The following CMTM7 variants were observed in gnomAD, a reference collection of about 807,000 sequenced individuals.
CMTM7 encodes CKLF like MARVEL transmembrane domain containing 7, also known as CKLF-like MARVEL transmembrane domain-containing protein 7.
Under a neutral mutation model 19.3 loss-of-function variants are expected in CMTM7, and 7 were observed. The observed-to-expected ratio is 0.36, with a 90% CI of 0.21 to 0.68. CMTM7 has a LOEUF of 0.68. CMTM7 is among the 30% of genes least tolerant of loss of function. CMTM7 has a pLI of 0.60. For missense variants in CMTM7, 193 were observed against 232.6 expected (o/e 0.83, Z 1.11); for synonymous variants, 87 against 99.3 (o/e 0.88, Z 0.74).
intron 1 of CMTM7, among the ~76,000 whole-genome samples, chr3:32,402,253 AGG>A (rs546213474): frequency 7.4e-4 from 112 of 152,090 alleles, no homozygotes; most frequent in South Asian, 2.7e-3. Context: ...CTGGGGCTAC[AGG>A]CGCGCGCCAC....
At chr3:32,436,374 G>A (rs944480922) in intron 1 of CMTM7, among the ~76,000 whole-genome samples, 2 of 152,276 alleles carry the variant, frequency 1.3e-5, no homozygotes, top group Non-Finnish European at 2.9e-5. Context: ...CTTACACTCA[G>A]TGCAAAATTC....
intron 2 of CMTM7, among the ~76,000 whole-genome samples, chr3:32,447,717 T>G (rs1696772601): frequency 6.6e-6 from 1 of 152,174 alleles, no homozygotes; most frequent in Non-Finnish European, 1.5e-5. Flanking sequence ...TTGTGTTCGA[T>G]TCTATTTTGT....
intron 1 of CMTM7, among the ~76,000 whole-genome samples, chr3:32,429,674 C>G (rs930917216): frequency 6.7e-6 from 1 of 150,154 alleles, no homozygotes; most frequent in African/African-American, 2.5e-5. Flanking sequence ...GATCTTGGCT[C>G]ACTGCAAGCT....
At chr3:32,415,957 G>A (rs1326793585) in intron 1 of CMTM7, among the ~76,000 whole-genome samples, 1 of 152,190 alleles carries the variant, frequency 6.6e-6, no homozygotes, top group Non-Finnish European at 1.5e-5. Flanking sequence ...GTATTTAGCT[G>A]TCATCTGTAG....
intron 1 of CMTM7, among the ~76,000 whole-genome samples, chr3:32,436,287 A>G (rs533140478): frequency 1.7e-4 from 26 of 152,346 alleles, no homozygotes; most frequent in Admixed American, 3.9e-4. Context: ...CAGGTTTCTC[A>G]GCCAGTGGGT....
At chr3:32,427,877 C>T (rs1696457749) in intron 1 of CMTM7, among the ~76,000 whole-genome samples, 1 of 152,172 alleles carries the variant, frequency 6.6e-6, no homozygotes, top group Non-Finnish European at 1.5e-5. Context: ...TATTAGACCT[C>T]TGTAGTGTTT....
At chr3:32,432,668 T>C (rs1696536623) in intron 1 of CMTM7, among the ~76,000 whole-genome samples, 1 of 152,058 alleles carries the variant, frequency 6.6e-6, no homozygotes, top group African/African-American at 2.4e-5. Context: ...GTGAGGAGAG[T>C]AATAGTGCCT....
chr3:32,436,352 C>G (rs963145608), intron 1 of CMTM7, among the ~76,000 whole-genome samples: 1 of 152,080 alleles, frequency 6.6e-6, no homozygotes, highest in Non-Finnish European at 1.5e-5. Flanking sequence ...CAGGGAGGCA[C>G]GGGTGAATCT....
At chr3:32,414,499 A>G (rs1191783671) in intron 1 of CMTM7, among the ~76,000 whole-genome samples, 1 of 152,140 alleles carries the variant, frequency 6.6e-6, no homozygotes, top group Non-Finnish European at 1.5e-5. Flanking sequence ...ACAGATGTCC[A>G]CTCTAAGTCA....
chr3:32,434,407 C>T (rs1270631531), intron 1 of CMTM7, among the ~76,000 whole-genome samples: 1 of 152,034 alleles, frequency 6.6e-6, no homozygotes. Context: ...GGTGATCCTC[C>T]AGCCTCGGCC....
rs1696309844 is a variant in CMTM7, at chr3:32,419,292, T to C, written c.160-22548T>C. 2.0e-5 allele frequency among the ~76,000 whole-genome samples: 3 copies of C among 152,352 alleles called. No homozygotes were observed. The South Asian group carries it at 6.2e-4, about 32-fold the overall frequency. On this transcript the variant is annotated intron_variant, in intron 1 of 4. Coordinates refer to ENST00000334983, the MANE Select transcript of CMTM7 (RefSeq NM_138410.4). ...AGTTCTAAGGAGGTTTTTAGTAGATTCTTTGGGATTTTCTACATAGATCAT... is the reference window on the plus strand; with the variant it reads ...AGTTCTAAGGAGGTTTTTAGTAGATCCTTTGGGATTTTCTACATAGATCAT...
intron 1 of CMTM7, among the ~76,000 whole-genome samples, chr3:32,428,649 A>G (rs1357422510): frequency 2.0e-5 from 3 of 152,190 alleles, no homozygotes; most frequent in Non-Finnish European, 2.9e-5. Context: ...TTCTGCTTAC[A>G]TAACATCTTT....
intron 1 of CMTM7, among the ~76,000 whole-genome samples, chr3:32,412,224 C>T (rs1696187900): frequency 6.6e-6 from 1 of 151,980 alleles, no homozygotes; most frequent in Non-Finnish European, 1.5e-5. Flanking sequence ...GTGGCTCACA[C>T]CTGTAATCCC....
chr3:32,427,859 G>A (rs1220895022), intron 1 of CMTM7, among the ~76,000 whole-genome samples: 5 of 152,176 alleles, frequency 3.3e-5, no homozygotes, highest in Non-Finnish European at 5.9e-5. Flanking sequence ...CATTTTGTGT[G>A]GACTTTGTAT....
At chr3:32,430,681 A>G (rs867457103) in intron 1 of CMTM7, among the ~76,000 whole-genome samples, 12 of 134,014 alleles carry the variant, frequency 9.0e-5, no homozygotes, top group South Asian at 7.6e-4. Context: ...CTACATCTGA[A>G]TGTGTGTGTG....
chr3:32,442,197 AC>A (rs768759421), intron 2 of CMTM7, among the ~76,000 whole-genome samples, 184 bp downstream of exon 2: 1 of 151,448 alleles, frequency 6.6e-6, no homozygotes, highest in Non-Finnish European at 1.5e-5. Context: ...GGTTTTTAAA[AC>A]TCACTTTCCA....
chr3:32,407,366 A>G (rs547689572), intron 1 of CMTM7, among the ~76,000 whole-genome samples: 1 of 152,240 alleles, frequency 6.6e-6, no homozygotes, highest in East Asian at 1.9e-4. Flanking sequence ...GAAACAAGGG[A>G]AGGGAAAAAA....
intron 3 of CMTM7, chr3:32,451,494 A>G (rs999730001): frequency 2.0e-5 from 3 of 152,478 alleles, no homozygotes; most frequent in African/African-American, 7.2e-5. Flanking sequence ...TTAGCTGTGA[A>G]ATGGAGGAGC....
At chr3:32,429,193 C>A (rs1477208479) in intron 1 of CMTM7, among the ~76,000 whole-genome samples, 2 of 152,122 alleles carry the variant, frequency 1.3e-5, no homozygotes, top group Admixed American at 1.3e-4. Context: ...CCTCTCATGC[C>A]TTTATGGGAA....
Sources: gnomAD v4.1 joint callset for allele counts (sites outside exome capture counted in the v4.1 genomes callset) on GRCh38, gnomAD v4.1.1 for gene constraint, MANE v1.5 for transcripts, NCBI Gene and HGNC (gene_info 2026-07-23, HGNC 2026-07-21) for gene names.